The following SPRY4 variants were observed in gnomAD, a reference collection of about 807,000 sequenced individuals.
SPRY4 encodes protein sprouty homolog 4.
In SPRY4, 7 loss-of-function variants were observed where a neutral mutation model predicts 17.0. The observed-to-expected ratio is 0.41, with a 90% CI of 0.23 to 0.77. The LOEUF is 0.77. Ranked by LOEUF, SPRY4 falls within the 30% of genes least tolerant of loss-of-function variation. The probability of loss-of-function intolerance (pLI) is 0.32; values close to 1 mark genes in which losing one functional copy is unlikely to be tolerated. For missense variants in SPRY4, 435 were observed against 419.9 expected, an observed-to-expected ratio of 1.04 and a Z score of -0.31; for synonymous variants, 183 against 174.1, an observed-to-expected ratio of 1.05 and a Z score of -0.40.
Position 142,310,542 on chromosome 5 carries a change from A to G in SPRY4, c.*3667T>C, listed in dbSNP as rs1441364711. The stretch of plus-strand genomic sequence containing the variant: ...AACAGAAGAACTCTTACAATAGTAG[A>G]CTTTCTAAAATAAATACTATTAAAA... On this transcript the variant is annotated 3_prime_UTR_variant, in exon 2 of 2. Transcript: ENST00000434127. The G allele has an allele frequency of 6.6e-6, 1 of 152,562 alleles. No homozygotes were observed. The highest frequency in any genetic ancestry group is 2.4e-5 in the African/African-American group (1 of 41,420). The allele number at this position is 152,562 out of a possible 1,614,324, so 9.5% of individuals were successfully genotyped here.
intron 1 of SPRY4, chr5:142,324,141 G>A (rs1020060942): frequency 1.3e-4 from 20 of 152,308 alleles, no homozygotes; most frequent in African/African-American, 4.6e-4. Flanking sequence ...ACAGAGGCCA[G>A]GCAAGAAAAA....
At chr5:142,317,454 C>G in intron 1 of SPRY4, 1 of 985,338 alleles carries the variant, frequency 1.0e-6, no homozygotes, top group East Asian at 1.1e-4. Flanking sequence ...GTCCCTTGTT[C>G]CAGAAACCGA....
rs767664986 is a variant in SPRY4 at position 142,314,829 on chromosome 5, C to T, written c.280G>A (p.Gly94Arg). 3.5e-5 allele frequency: 56 copies of T among 1,586,720 alleles called. No individual in the cohort carries two copies. Among genetic ancestry groups the T allele is most frequent in the African/African-American group, 6.7e-5 (5 of 74,354 alleles). The change falls in exon 2 of 2, where the codon GGG becomes AGG. Residue 94 changes from glycine to arginine, a missense_variant. By Grantham distance (125) the Gly-to-Arg change is moderately radical (BLOSUM62 -2). Transcript: ENST00000434127. The surrounding 1 kb of genome is among the most constrained non-coding windows in gnomAD (Gnocchi z 4.8). The part of the protein sequence containing the change: ...DVTHHWISFS[G>R]RPSSVSSSSS... ...CTGCTGCTCACAGAGCTGGGGCGCC[C>T]GCTGAAGGAGATCCAATGGTGGGTG...
In SPRY4 at chr5:142,314,411, G is replaced by A. The variant is rs373824835; in HGVS notation, c.698C>T (p.Ala233Val). ...PCSCSRSNCC[A>V]RWSFMGALSV... ...GAGAGCACCCATGAAGGACCAGCGGGCGCAGCAGTTGGAGCGGGAGCAGGA... is the reference window on the plus strand; with the variant it reads ...GAGAGCACCCATGAAGGACCAGCGGACGCAGCAGTTGGAGCGGGAGCAGGA... The change falls in exon 2 of 2, where the codon GCC (alanine) becomes GTC (valine). Residue 233 changes from alanine to valine, a missense_variant. Coordinates refer to ENST00000434127, the MANE Select transcript of SPRY4 (RefSeq NM_001127496.3). The surrounding 1 kb of genome is among the most constrained non-coding windows in gnomAD (Gnocchi z 4.8). 6.2e-7 allele frequency: 1 copy of A among 1,614,042 alleles called. No homozygotes were observed. Among genetic ancestry groups the A allele is most frequent in the Non-Finnish European group, 8.5e-7 (1 of 1,179,958 alleles).
At chr5:142,317,249 C>A in intron 1 of SPRY4, 1 of 985,456 alleles carries the variant, frequency 1.0e-6, no homozygotes, top group Non-Finnish European at 1.2e-6. Context: ...CCCACTTATT[C>A]TCAATAGGTG....
chr5:142,319,189 T>TCCAGCCCTC (rs1270309676), intron 1 of SPRY4, among the ~76,000 whole-genome samples: 1 of 152,146 alleles, frequency 6.6e-6, no homozygotes, highest in Non-Finnish European at 1.5e-5. Context: ...CATGGACTCC[T>TCCAGCCCTC]CCAGCCCTCA....
Position 142,314,632 on chromosome 5 carries a change from G to A in SPRY4, c.477C>T (p.Cys159=), listed in dbSNP as rs776845832. 5.6e-6 allele frequency: 9 copies of A among 1,614,084 alleles called. No individual in the cohort carries two copies. Among genetic ancestry groups the A allele is most frequent in the Middle Eastern group, 1.6e-4 (1 of 6,084 alleles). The change falls in exon 2 of 2, where the codon TGC becomes TGT. Residue 159 remains cysteine (C), a synonymous_variant. Coordinates refer to ENST00000434127, the MANE Select transcript of SPRY4 (RefSeq NM_001127496.3). The surrounding 1 kb of genome is among the most constrained non-coding windows in gnomAD (Gnocchi z 4.8). The stretch of plus-strand genomic sequence containing the variant: ...TGCATTTACACTTCCCACAGGCCTC[G>A]CACAGCAAGAAGTGCTTGTCCAGCT... ...PPELDKHFLL[C]EACGKCKCKE...
rs1020730181 is a variant in SPRY4, at chr5:142,312,023, A to G, written c.*2186T>C. ...GGTGTGTAGACCACCAAGATCACCA[A>G]AGTGCAACTTGCCACTGGGTCAAGT... On this transcript the variant is annotated 3_prime_UTR_variant, in exon 2 of 2. Coordinates refer to ENST00000434127, the MANE Select transcript of SPRY4 (RefSeq NM_001127496.3). 4 of 151,664 alleles carry G rather than the reference A, an allele frequency of 2.6e-5. No homozygotes were observed. Among genetic ancestry groups the G allele is most frequent in the Admixed American group, 1.3e-4 (2 of 15,118 alleles). 9.4% of individuals were successfully genotyped at this position (151,664 alleles called of 1,614,324 possible).
At position 142,312,202 on chromosome 5, in the gene SPRY4, A is replaced by C. The variant is rs1048513682; in HGVS notation, c.*2007T>G. On this transcript the variant is annotated 3_prime_UTR_variant, in exon 2 of 2. Transcript: ENST00000434127. ...ACTTCTGATACATTCAATTCATATA[A>C]GTGGTTGGCTGAATGTGTGTTTTTT... is the stretch of plus-strand genomic sequence containing the variant. The C allele has an allele frequency of 6.6e-6, 1 of 152,558 alleles. No individual in the cohort carries two copies. The highest frequency in any genetic ancestry group is 1.5e-5 in the Non-Finnish European group (1 of 68,034). The allele number at this position is 152,558 out of a possible 1,614,324, so 9.5% of individuals were successfully genotyped here. A position where few individuals can be genotyped will look rare whatever the true frequency, so the allele number is the denominator to read the frequency against.
intron 1 of SPRY4, among the ~76,000 whole-genome samples, chr5:142,321,794 C>A (rs915773188): frequency 1.4e-4 from 22 of 152,160 alleles, no homozygotes; most frequent in Admixed American, 1.3e-3. Context: ...TCCTTTGCAC[C>A]AACACCCAGG....
rs748212197 is a variant in SPRY4 at position 142,314,207 on chromosome 5, T to C, written c.*2A>G. On this transcript the variant is annotated 3_prime_UTR_variant, in exon 2 of 2. Transcript: ENST00000434127. The surrounding 1 kb of genome is among the most constrained non-coding windows in gnomAD (Gnocchi z 4.8). ...AGAGCACTGGGGCTTCGACACAAAC[T>C]GTCAGAAAGGCTTGTCGGGCCTGCT... is the stretch of plus-strand genomic sequence containing the variant. The C allele has an allele frequency of 1.9e-6, 3 of 1,602,598 alleles. No individual in the cohort carries two copies. The highest frequency in any genetic ancestry group is 2.2e-5 in the South Asian group (2 of 90,738).
chr5:142,312,393 C>T lies in SPRY4; in HGVS notation c.*1816G>A, dbSNP rs1292070640. The T allele has an allele frequency of 6.6e-6, 1 of 152,612 alleles. No individual in the cohort carries two copies. Among genetic ancestry groups the T allele is most frequent in the African/African-American group, 2.4e-5 (1 of 41,452 alleles). 9.5% of individuals were successfully genotyped at this position (152,612 alleles called of 1,614,324 possible). A position where few individuals can be genotyped will look rare whatever the true frequency, so the allele number is the denominator to read the frequency against. On this transcript the variant is annotated 3_prime_UTR_variant, in exon 2 of 2. Transcript: ENST00000434127. Reference sequence around the variant, plus strand: ...ATAAAGCCGAAAATAATATGACCCTCCCTTCCTCCAATCAATAAATACCTA... The same window carrying T: ...ATAAAGCCGAAAATAATATGACCCTTCCTTCCTCCAATCAATAAATACCTA...
chr5:142,314,309 C>T lies in SPRY4; in HGVS notation c.800G>A (p.Arg267His), dbSNP rs367842050. 1.1e-4 allele frequency: 184 copies of T among 1,613,942 alleles called. No individual in the cohort carries two copies. Among genetic ancestry groups the T allele is most frequent in the South Asian group, 4.9e-4 (45 of 91,068 alleles). Reference protein sequence around the residue: ...CVKLAQRGYDRLRRPGCRCKH... With the variant: ...CVKLAQRGYDHLRRPGCRCKH... ...GCAGCGGCAACCAGGGCGGCGCAGA[C>T]GGTCGTAGCCACGCTGGGCCAGCTT... Residue 267 changes from arginine (R) to histidine (H), a missense_variant, in exon 2 of 2, where the codon CGT becomes CAT. Transcript: ENST00000434127. The surrounding 1 kb of genome is among the most constrained non-coding windows in gnomAD (Gnocchi z 4.8).
intron 1 of SPRY4, among the ~76,000 whole-genome samples, chr5:142,322,170 G>C (rs1759363668): frequency 6.6e-6 from 1 of 152,196 alleles, no homozygotes; most frequent in Non-Finnish European, 1.5e-5. Flanking sequence ...CCAATTCTGG[G>C]AGGATGCAGA....
At chr5:142,322,061 C>T (rs995441175) in intron 1 of SPRY4, among the ~76,000 whole-genome samples, 5 of 135,832 alleles carry the variant, frequency 3.7e-5, no homozygotes, top group South Asian at 2.5e-4. Context: ...TTATTATTCA[C>T]GAAAGTCAGC....
rs889506871 is a variant in SPRY4 at position 142,312,540 on chromosome 5, G to C, written c.*1669C>G. 1 of 152,020 alleles carries C rather than the reference G, an allele frequency of 6.6e-6. No homozygotes were observed. Among genetic ancestry groups the C allele is most frequent in the East Asian group, 1.9e-4 (1 of 5,176 alleles). 9.4% of individuals were successfully genotyped at this position (152,020 alleles called of 1,614,324 possible). A position where few individuals can be genotyped will look rare whatever the true frequency, so the allele number is the denominator to read the frequency against. The stretch of plus-strand genomic sequence containing the variant: ...CTACCTACCTCGCTGCCTCCTTCCC[G>C]GAGGCACCTCTGTTCCTATACAGAA... On this transcript the variant is annotated 3_prime_UTR_variant, in exon 2 of 2. Transcript: ENST00000434127.
At chr5:142,319,850 T>TACCCCCCCCC in intron 1 of SPRY4, 1 of 1,535,528 alleles carries the variant, frequency 6.5e-7, no homozygotes. Flanking sequence ...GGATGCCTAA[T>TACCCCCCCCC]CCCACCCACC....
At position 142,317,017 on chromosome 5, in the gene SPRY4, T is replaced by C. The variant is rs897564811; in HGVS notation, c.-47-1862A>G. The C allele has an allele frequency of 1.5e-5, 15 of 985,338 alleles. No homozygotes were observed. The South Asian group carries it at 2.3e-4, about 15-fold the overall frequency. The allele number at this position is 985,338 out of a possible 1,614,324, so 61.0% of individuals were successfully genotyped here. ...CCCATGTTCTCTTCGGATGAAACCA[T>C]AGCATCACCTTTGAATTGGCGATTT... On this transcript the variant is annotated intron_variant, in intron 1 of 1. Coordinates refer to ENST00000434127, the MANE Select transcript of SPRY4 (RefSeq NM_001127496.3).
In SPRY4 at chr5:142,314,541, C is replaced by G; in HGVS notation, c.568G>C (p.Ala190Pro). The stretch of plus-strand genomic sequence containing the variant: ...GTGCCATAGTTGACCAGAGTCTGGG[C>G]TGAGCACAGGCACTCCTGGTTGCAG... ...WVCNQECLCS[A>P]QTLVNYGTCM... The change falls in exon 2 of 2, where the codon GCC becomes CCC. Residue 190 changes from alanine to proline, a missense_variant. Ala to Pro is a conservative substitution (Grantham distance 27). Coordinates refer to ENST00000434127, the MANE Select transcript of SPRY4 (RefSeq NM_001127496.3). The surrounding 1 kb of genome is among the most constrained non-coding windows in gnomAD (Gnocchi z 4.8). 1 of 1,614,240 alleles carries G rather than the reference C, an allele frequency of 6.2e-7. No individual in the cohort carries two copies. Among genetic ancestry groups the G allele is most frequent in the Non-Finnish European group, 8.5e-7 (1 of 1,180,040 alleles).
Sources: gnomAD v4.1 joint callset for allele counts (sites outside exome capture counted in the v4.1 genomes callset) on GRCh38, gnomAD v4.1.1 for gene constraint, Gnocchi (gnomAD v3.1) non-coding constraint, MANE v1.5 for transcripts, NCBI Gene and HGNC (gene_info 2026-07-23, HGNC 2026-07-21) for gene names.